Variants in EFNA4 observed in about 807,000 individuals in gnomAD.
The protein encoded by EFNA4 is ephrin A4.
In EFNA4, 22 loss-of-function variants were observed where a neutral mutation model predicts 23.7. That is an observed-to-expected ratio of 0.93 (90% CI 0.66 to 1.32). The LOEUF (loss-of-function observed/expected upper bound fraction) is 1.32, where lower values mean the gene tolerates loss of function less well. Ranked by LOEUF, EFNA4 falls within the 40% of genes most tolerant of loss-of-function variation. EFNA4 has a pLI of 0.00. For missense variants in EFNA4, 252 were observed against 252.3 expected (o/e 1.00, Z 0.01); for synonymous variants, 113 against 108.3 (o/e 1.04, Z -0.27).
chr1:155,064,126 A>G (rs1662917298), intron 1 of EFNA4, among the ~76,000 whole-genome samples, 190 bp downstream of exon 1: 2 of 152,204 alleles, frequency 1.3e-5, no homozygotes, highest in Non-Finnish European at 2.9e-5. Context: ...CACAGCCCGC[A>G]TGTGTTGGGG....
chr1:155,064,052 T>A, intron 1 of EFNA4, 116 bp downstream of exon 1: 1 of 479,310 alleles, frequency 2.1e-6, no homozygotes, highest in Non-Finnish European at 3.2e-6. Context: ...GCGCCGGGGC[T>A]CCTTTGTTTG....
At position 155,069,066 on chromosome 1, in the gene EFNA4, G is replaced by A. The variant is rs889300332; in HGVS notation, c.*77G>A. 1 of 1,612,176 alleles carries A rather than the reference G, an allele frequency of 6.2e-7. No individual in the cohort carries two copies. The highest frequency in any genetic ancestry group is 8.5e-7 in the Non-Finnish European group (1 of 1,179,270). The stretch of plus-strand genomic sequence containing the variant: ...CCCTGGAGGAGGAGGGATCCCTGCT[G>A]CCTGCACTGGGGGTGCCAATTCAGA... On this transcript the variant is annotated 3_prime_UTR_variant, in exon 4 of 4. Coordinates refer to ENST00000368409, the MANE Select transcript of EFNA4 (RefSeq NM_005227.3).
intron 1 of EFNA4, among the ~76,000 whole-genome samples, chr1:155,066,150 G>A (rs1663039615): frequency 1.3e-5 from 2 of 152,130 alleles, no homozygotes; most frequent in Admixed American, 6.5e-5. Flanking sequence ...ATTCAGATGT[G>A]AGCCACCACA....
Position 155,069,295 on chromosome 1 carries a change from A to C in EFNA4, c.*306A>C. On this transcript the variant is annotated 3_prime_UTR_variant, in exon 4 of 4. Coordinates refer to ENST00000368409, the MANE Select transcript of EFNA4 (RefSeq NM_005227.3). ...GAGGACTGGGATTTGGTATGATCAA[A>C]TCCTCAAGCCAGCTGGGGGCCCAGG... The C allele has an allele frequency of 8.5e-7, 1 of 1,182,864 alleles. No individual in the cohort carries two copies. 73.3% of individuals were successfully genotyped at this position (1,182,864 alleles called of 1,614,324 possible).
At position 155,066,883 on chromosome 1, in the gene EFNA4, G is replaced by A. The variant is rs1663060334; in HGVS notation, c.267G>A (p.Glu89=). Residue 89 remains glutamate, a synonymous_variant, in exon 2 of 4, where the codon GAG becomes GAA. Transcript: ENST00000368409. ...DWPGYESCQA[E]GPRAYKRWVC... ...CAGGCTATGAGTCCTGCCAGGCAGA[G>A]GGCCCCCGGGCCTACAAGCGCTGGG... 3.1e-6 allele frequency: 5 copies of A among 1,614,032 alleles called. No homozygotes were observed. Among genetic ancestry groups the A allele is most frequent in the Non-Finnish European group, 4.2e-6 (5 of 1,180,044 alleles).
chr1:155,068,965 T>G lies in EFNA4; in HGVS notation c.582T>G (p.Ile194Met). The G allele has an allele frequency of 6.2e-7, 1 of 1,614,060 alleles. No homozygotes were observed. Among genetic ancestry groups the G allele is most frequent in the Non-Finnish European group, 8.5e-7 (1 of 1,179,998 alleles). ...TCTTGCTATTACTGCTGCTTCTGAT[T>G]CTTCGTCTTCTGCGAATTCTGTGAG... ...LCLLLLLLLL[I>M]LRLLRIL The change falls in exon 4 of 4, where the codon ATT becomes ATG. Residue 194 changes from isoleucine to methionine, a missense_variant. By Grantham distance (10) the Ile-to-Met change is conservative. Coordinates refer to ENST00000368409, the MANE Select transcript of EFNA4 (RefSeq NM_005227.3).
intron 1 of EFNA4, among the ~76,000 whole-genome samples, chr1:155,065,717 T>TTTAG (rs1663008148): frequency 7.1e-6 from 1 of 141,312 alleles, no homozygotes; most frequent in Non-Finnish European, 1.5e-5. Context: ...TATTTATTTA[T>TTTAG]TTATTTATTT....
chr1:155,068,426 G>GTTTT (rs1571654990), intron 3 of EFNA4, among the ~76,000 whole-genome samples: 13 of 28,800 alleles, frequency 4.5e-4, no homozygotes, highest in Non-Finnish European at 6.8e-4. Flanking sequence ...CCACCCAGCT[G>GTTTT]ATTTTTTTTT....
intron 1 of EFNA4, among the ~76,000 whole-genome samples, chr1:155,065,526 CTTT>C (rs71586050): frequency 1.5e-5 from 2 of 131,588 alleles, no homozygotes; most frequent in Non-Finnish European, 3.3e-5. Flanking sequence ...CTCCCTCATT[CTTT>C]TTTTTTTTTT....
chr1:155,065,764 G>A (rs1219737519), intron 1 of EFNA4, among the ~76,000 whole-genome samples: 8 of 147,710 alleles, frequency 5.4e-5, no homozygotes, highest in Non-Finnish European at 1.2e-4. Flanking sequence ...ATGGAGTCTC[G>A]CTCTGTCTCC....
intron 1 of EFNA4, among the ~76,000 whole-genome samples, chr1:155,064,318 T>G (rs1217677221): frequency 6.6e-6 from 1 of 152,228 alleles, no homozygotes; most frequent in Admixed American, 6.5e-5. Context: ...TTTACTCTTA[T>G]GAAAGAGCGT....
chr1:155,063,783 C>T lies in EFNA4; in HGVS notation c.-41C>T, dbSNP rs1282376546. The T allele has an allele frequency of 6.8e-6, 10 of 1,475,642 alleles. No homozygotes were observed. In the East Asian group the frequency reaches 2.6e-4, roughly 39 times the overall value. The allele number at this position is 1,475,642 out of a possible 1,614,324, so 91.4% of individuals were successfully genotyped here. A position where few individuals can be genotyped will look rare whatever the true frequency, so the allele number is the denominator to read the frequency against. ...TTTCTCTCCTCGACTGTGAAGCGGG[C>T]CGGGACCTGCCAGGCCAGACCAAAC... On this transcript the variant is annotated 5_prime_UTR_variant, in exon 1 of 4. Transcript: ENST00000368409. This position sits in a 1 kb window ranked among gnomAD's most constrained non-coding sequence, Gnocchi z 4.1.
At position 155,063,955 on chromosome 1, in the gene EFNA4, G is replaced by A. The variant is rs371052923; in HGVS notation, c.113+19G>A. 2.9e-4 allele frequency: 443 copies of A among 1,528,728 alleles called. No homozygotes were observed. The highest frequency in any genetic ancestry group is 5.6e-4 in the Middle Eastern group (3 of 5,384). 94.7% of individuals were successfully genotyped at this position (1,528,728 alleles called of 1,614,324 possible). A position where few individuals can be genotyped will look rare whatever the true frequency, so the allele number is the denominator to read the frequency against. ...ACCCCAGGTAGCCGGGCCGAACCGG[G>A]CGAGCGCACAGCCAAGTCTGCGCGC... On this transcript the variant is annotated intron_variant, in intron 1 of 3. Coordinates refer to ENST00000368409, the MANE Select transcript of EFNA4 (RefSeq NM_005227.3). This position sits in a 1 kb window ranked among gnomAD's most constrained non-coding sequence, Gnocchi z 4.1.
Position 155,066,966 on chromosome 1 carries a change from C to T in EFNA4, c.350C>T (p.Pro117Leu), listed in dbSNP as rs1663065922. The T allele has an allele frequency of 6.2e-7, 1 of 1,613,912 alleles. No individual in the cohort carries two copies. The highest frequency in any genetic ancestry group is 8.5e-7 in the Non-Finnish European group (1 of 1,179,948). Residue 117 changes from proline to leucine, a missense_variant, in exon 2 of 4, where the codon CCC becomes CTC. By Grantham distance (98) the Pro-to-Leu change is moderately conservative. Transcript: ENST00000368409. ...QFSEKIQRFT[P>L]FSLGFEFLPG... Reference sequence around the variant, plus strand: ...TCAGAGAAGATTCAGCGCTTCACACCCTTCTCCCTCGGCTTTGAGTTCTTA... The same window carrying T: ...TCAGAGAAGATTCAGCGCTTCACACTCTTCTCCCTCGGCTTTGAGTTCTTA...
In EFNA4 at chr1:155,066,862, C is replaced by T; in HGVS notation, c.246C>T (p.Gly82=). Residue 82 remains glycine (G), a synonymous_variant, in exon 2 of 4, where the codon GGC becomes GGT. Coordinates refer to ENST00000368409, the MANE Select transcript of EFNA4 (RefSeq NM_005227.3). Reference sequence around the variant, plus strand: ...CTTTGTACATGGTGGACTGGCCAGGCTATGAGTCCTGCCAGGCAGAGGGCC... The same window carrying T: ...CTTTGTACATGGTGGACTGGCCAGGTTATGAGTCCTGCCAGGCAGAGGGCC... The part of the protein sequence containing the change: ...TFALYMVDWP[G]YESCQAEGPR... 6.2e-7 allele frequency: 1 copy of T among 1,614,084 alleles called. No individual in the cohort carries two copies. Among genetic ancestry groups the T allele is most frequent in the Non-Finnish European group, 8.5e-7 (1 of 1,180,034 alleles).
Position 155,069,101 on chromosome 1 carries a change from TG to T in EFNA4, c.*114del, listed in dbSNP as rs1216183664. On this transcript the variant is annotated 3_prime_UTR_variant, in exon 4 of 4. Transcript: ENST00000368409. The stretch of plus-strand genomic sequence containing the variant: ...GGGGTGCCAATTCAGACCGACAAGA[TG>T]GAGCATTGATGGGGGAGATCAGAGG... 4 of 1,611,186 alleles carry T rather than the reference TG, an allele frequency of 2.5e-6. No homozygotes were observed. Among genetic ancestry groups the T allele is most frequent in the Non-Finnish European group, 3.4e-6 (4 of 1,179,086 alleles).
At chr1:155,065,719 T>TA (rs1663008254) in intron 1 of EFNA4, among the ~76,000 whole-genome samples, 1 of 142,042 alleles carries the variant, frequency 7.0e-6, no homozygotes, top group African/African-American at 2.6e-5. Flanking sequence ...TTTATTTATT[T>TA]ATTTATTTAT....
intron 1 of EFNA4, 42 bp from the exon 2 acceptor site, chr1:155,066,688 G>C (rs1388081898): frequency 6.6e-7 from 1 of 1,525,216 alleles, no homozygotes; most frequent in African/African-American, 1.4e-5. Flanking sequence ...CCATGGCGTG[G>C]TGCCCTCCAC....
chr1:155,066,600 C>T, intron 1 of EFNA4, 130 bp from the exon 2 acceptor site: 1 of 1,160,502 alleles, frequency 8.6e-7, no homozygotes, highest in Non-Finnish European at 1.2e-6. Context: ...CTCGGGCCTT[C>T]CTGAGCTGCT....
Sources: gnomAD v4.1 joint callset for allele counts (sites outside exome capture counted in the v4.1 genomes callset) on GRCh38, gnomAD v4.1.1 for gene constraint, Gnocchi (gnomAD v3.1) non-coding constraint, MANE v1.5 for transcripts, NCBI Gene and HGNC (gene_info 2026-07-23, HGNC 2026-07-21) for gene names.